Variants in PODXL2 observed in about 807,000 individuals in gnomAD.
PODXL2 encodes podocalyxin like 2.
In PODXL2, 17 loss-of-function variants were observed where a neutral mutation model predicts 53.4. The ratio of observed to expected loss-of-function variants is 0.32; its 90% CI spans 0.22 to 0.48. PODXL2 has a LOEUF of 0.48. Ranked by LOEUF, PODXL2 falls within the 20% of genes least tolerant of loss-of-function variation. The pLI is 0.99. For missense variants in PODXL2, 673 were observed against 760.0 expected (o/e 0.89, Z 1.35); for synonymous variants, 311 against 306.7 (o/e 1.01, Z -0.15).
chr3:127,649,559 A>G (rs1330726399), intron 2 of PODXL2, among the ~76,000 whole-genome samples: 1 of 152,194 alleles, frequency 6.6e-6, no homozygotes, highest in Non-Finnish European at 1.5e-5. Flanking sequence ...GTATACATAT[A>G]CTTGTCAGGT....
intron 3 of PODXL2, among the ~76,000 whole-genome samples, chr3:127,661,946 G>T (rs1446471383): frequency 6.6e-6 from 1 of 152,150 alleles, no homozygotes; most frequent in African/African-American, 2.4e-5. Context: ...GCCAGCATGT[G>T]GGGCAAGCTC....
At chr3:127,652,061 C>T (rs2074692718) in intron 2 of PODXL2, among the ~76,000 whole-genome samples, 1 of 152,212 alleles carries the variant, frequency 6.6e-6, no homozygotes, top group Non-Finnish European at 1.5e-5. Context: ...TCCAGCATCC[C>T]AAGCCAAGCC....
At chr3:127,641,361 C>T (rs2074618746) in intron 2 of PODXL2, among the ~76,000 whole-genome samples, 1 of 151,928 alleles carries the variant, frequency 6.6e-6, no homozygotes, top group South Asian at 2.1e-4. Context: ...AAATGTGCCA[C>T]CATGCCTGAC....
chr3:127,650,861 G>C (rs1015740852), intron 2 of PODXL2, among the ~76,000 whole-genome samples: 1 of 151,912 alleles, frequency 6.6e-6, no homozygotes, highest in African/African-American at 2.4e-5. Context: ...GGGTTTCACC[G>C]TTTTAGCCAG....
chr3:127,662,676 C>G (rs2074775101), intron 4 of PODXL2, among the ~76,000 whole-genome samples: 1 of 152,096 alleles, frequency 6.6e-6, no homozygotes, highest in Non-Finnish European at 1.5e-5. Context: ...TATATACATG[C>G]TCTCCACACA....
At chr3:127,635,295 A>G (rs2074570838) in intron 1 of PODXL2, among the ~76,000 whole-genome samples, 1 of 152,232 alleles carries the variant, frequency 6.6e-6, no homozygotes. Flanking sequence ...TCACTGTTAC[A>G]CTATTCCATA....
chr3:127,663,398 G>T (rs1361254226), intron 4 of PODXL2, among the ~76,000 whole-genome samples: 3 of 152,146 alleles, frequency 2.0e-5, no homozygotes, highest in Admixed American at 2.0e-4. Flanking sequence ...TCTAGATTTT[G>T]TTGCTCTTGT....
At chr3:127,634,758 G>T (rs2074567140) in intron 1 of PODXL2, among the ~76,000 whole-genome samples, 1 of 152,018 alleles carries the variant, frequency 6.6e-6, no homozygotes, top group Non-Finnish European at 1.5e-5. Context: ...TAAATAAAAA[G>T]ACCTCTCTGA....
intron 2 of PODXL2, among the ~76,000 whole-genome samples, chr3:127,644,142 C>T (rs984573567): frequency 6.6e-6 from 1 of 152,086 alleles, no homozygotes; most frequent in Admixed American, 6.6e-5. Context: ...GATGGAGTCT[C>T]ACTCTGTTGC....
chr3:127,639,333 C>T lies in PODXL2; in HGVS notation c.159C>T (p.Pro53=). ...CCTCCCTGCTAGACCTCCTGCTGCC[C>T]ACTGGCTTGGAGCCACTGGACTCAG... is the stretch of plus-strand genomic sequence containing the variant. The part of the protein sequence containing the change: ...TSTSLLDLLL[P]TGLEPLDSEE... The change falls in exon 2 of 8, where the codon CCC becomes CCT. Residue 53 remains proline (P), a synonymous_variant. Coordinates refer to ENST00000342480, the MANE Select transcript of PODXL2 (RefSeq NM_015720.4). The T allele has an allele frequency of 6.2e-7, 1 of 1,614,142 alleles. No individual in the cohort carries two copies.
At chr3:127,645,041 C>G (rs1237508927) in intron 2 of PODXL2, among the ~76,000 whole-genome samples, 1 of 152,224 alleles carries the variant, frequency 6.6e-6, no homozygotes, top group Admixed American at 6.5e-5. Context: ...AACTAGCAAA[C>G]AAACCCCTTC....
In PODXL2 at chr3:127,629,211, G is replaced by T; in HGVS notation, c.-9G>T. 1 of 989,462 alleles carries T rather than the reference G, an allele frequency of 1.0e-6. No homozygotes were observed. Among genetic ancestry groups the T allele is most frequent in the Non-Finnish European group, 1.2e-6 (1 of 833,824 alleles). 61.3% of individuals were successfully genotyped at this position (989,462 alleles called of 1,614,324 possible). The stretch of plus-strand genomic sequence containing the variant: ...CGCCGCTGCGGCTGCAGGCGGCGAC[G>T]GCTACACCATGGGCCGGCTGCTGCG... On this transcript the variant is annotated 5_prime_UTR_variant, in exon 1 of 8. Transcript: ENST00000342480. This position sits in a 1 kb window ranked among gnomAD's most constrained non-coding sequence, Gnocchi z 6.4.
At chr3:127,661,459 G>A (rs2074767111) in intron 3 of PODXL2, among the ~76,000 whole-genome samples, 1 of 151,262 alleles carries the variant, frequency 6.6e-6, no homozygotes, top group African/African-American at 2.4e-5. Context: ...TTCCCGAGAT[G>A]GAGTCTCACT....
chr3:127,650,728 C>T (rs190893483), intron 2 of PODXL2, among the ~76,000 whole-genome samples: 1 of 152,142 alleles, frequency 6.6e-6, no homozygotes, highest in African/African-American at 2.4e-5. Context: ...GCGATCTCGG[C>T]TCACTGCAAG....
chr3:127,635,992 C>G (rs1475239063), intron 1 of PODXL2, among the ~76,000 whole-genome samples: 5 of 152,210 alleles, frequency 3.3e-5, no homozygotes, highest in African/African-American at 7.2e-5. Context: ...TTCCTGCAGG[C>G]TAGCCTTGAG....
rs969185481 is a variant in PODXL2 at position 127,665,824 on chromosome 3, G to A, written c.1207-2617G>A. 2.7e-5 allele frequency: 10 copies of A among 371,464 alleles called. 1 individual carries two copies. The highest frequency in any genetic ancestry group is 1.9e-4 in the Admixed American group (6 of 31,648). 23.0% of individuals were successfully genotyped at this position (371,464 alleles called of 1,614,324 possible). A position where few individuals can be genotyped will look rare whatever the true frequency, so the allele number is the denominator to read the frequency against. ...GAGTTTCTCAGTGCATGCCACACAC[G>A]TGCTTACAAGATGTTCCAGGCTGCA... is the stretch of plus-strand genomic sequence containing the variant. On this transcript the variant is annotated intron_variant, in intron 4 of 7. Coordinates refer to ENST00000342480, the MANE Select transcript of PODXL2 (RefSeq NM_015720.4).
chr3:127,661,476 C>T (rs2074767228), intron 3 of PODXL2, among the ~76,000 whole-genome samples: 1 of 151,862 alleles, frequency 6.6e-6, no homozygotes, highest in South Asian at 2.1e-4. Flanking sequence ...CACTCTGTCG[C>T]CCAGGCTGGA....
At chr3:127,639,148 C>T in intron 1 of PODXL2, 97 bp from the exon 2 acceptor site, 1 of 1,262,446 alleles carries the variant, frequency 7.9e-7, no homozygotes. Context: ...GTCCCCCCTT[C>T]CCCAGGACCT....
chr3:127,657,876 A>G (rs1462295321), intron 2 of PODXL2, among the ~76,000 whole-genome samples: 1 of 152,208 alleles, frequency 6.6e-6, no homozygotes, highest in Non-Finnish European at 1.5e-5. Context: ...ATTCTTCTAT[A>G]TACTTGTTTT....
Sources: allele counts gnomAD v4.1 joint callset (sites outside exome capture counted in the v4.1 genomes callset), GRCh38; gene constraint gnomAD v4.1.1; non-coding constraint Gnocchi (gnomAD v3.1); transcripts MANE v1.5; gene names NCBI Gene and HGNC (gene_info 2026-07-23, HGNC 2026-07-21).